ADD1: variants seen among roughly 807,000 people sequenced by gnomAD.
ADD1 encodes alpha-adducin.
ADD1 carries 24 observed loss-of-function variants against 80.5 expected under a neutral mutation model. That is an observed-to-expected ratio of 0.30 (90% CI 0.22 to 0.42). The LOEUF is 0.42. Ranked by LOEUF, ADD1 falls within the 10% of genes least tolerant of loss-of-function variation. The pLI is 1.00. For missense variants in ADD1, 948 were observed against 1,019.0 expected, an observed-to-expected ratio of 0.93 and a Z score of 0.95; for synonymous variants, 373 against 393.8, an observed-to-expected ratio of 0.95 and a Z score of 0.63.
At chr4:2,925,982 G>T in intron 14 of ADD1, 32 bp from the exon 15 acceptor site, 1 of 1,602,288 alleles carries the variant, frequency 6.2e-7, no homozygotes, top group Admixed American at 1.7e-5. Context: ...GGCGTCCACA[G>T]CTCCTACCAT....
At chr4:2,881,816 G>GTC (rs1416404301) in intron 2 of ADD1, 82 bp from the exon 3 acceptor site, 4 of 1,270,280 alleles carry the variant, frequency 3.1e-6, no homozygotes, top group Non-Finnish European at 4.2e-6. Context: ...ACAAAAATTG[G>GTC]TCTATGTGAT....
At chr4:2,888,803 T>C (rs902841970) in intron 4 of ADD1, among the ~76,000 whole-genome samples, 2 of 152,134 alleles carry the variant, frequency 1.3e-5, no homozygotes, top group African/African-American at 4.8e-5. Context: ...GAGCAAATGT[T>C]GTATACTATG....
At chr4:2,898,082 T>C in intron 6 of ADD1, 102 bp from the exon 7 acceptor site, 1 of 1,407,828 alleles carries the variant, frequency 7.1e-7, no homozygotes, top group Non-Finnish European at 9.6e-7. Flanking sequence ...GACAAAAACA[T>C]TTCCCTTCCC....
chr4:2,916,545 T>G (rs1260842501), intron 14 of ADD1, among the ~76,000 whole-genome samples: 1 of 152,134 alleles, frequency 6.6e-6, no homozygotes, highest in Non-Finnish European at 1.5e-5. Flanking sequence ...TTTTTTAAAT[T>G]AATTATACTT....
intron 4 of ADD1, among the ~76,000 whole-genome samples, chr4:2,885,734 C>G (rs1024444399): frequency 6.6e-6 from 1 of 152,128 alleles, no homozygotes; most frequent in South Asian, 2.1e-4. Context: ...CTCAGCCTCC[C>G]GAGTAGCTGG....
At chr4:2,873,229 G>A (rs921814856) in intron 1 of ADD1, among the ~76,000 whole-genome samples, 15 of 152,214 alleles carry the variant, frequency 9.9e-5, no homozygotes, top group Admixed American at 9.2e-4. Flanking sequence ...CTGAGCTCAG[G>A]CATCCACTTG....
rs569876618 is a variant in ADD1 at position 2,874,387 on chromosome 4, A to G, written c.-20-1509A>G. 9.2e-5 allele frequency among the ~76,000 whole-genome samples: 14 copies of G among 152,228 alleles called. No homozygotes were observed. The East Asian group carries it at 2.7e-3, about 29-fold the overall frequency. Reference sequence around the variant, plus strand: ...TTTGAGAGGCCTAGGCGGGCGGATCACCTGAGGTCAGGAGTTCGAGACCAG... The same window carrying G: ...TTTGAGAGGCCTAGGCGGGCGGATCGCCTGAGGTCAGGAGTTCGAGACCAG... On this transcript the variant is annotated intron_variant, in intron 1 of 15. Transcript: ENST00000683351.
chr4:2,885,274 A>G (rs1487053079), intron 4 of ADD1, among the ~76,000 whole-genome samples: 1 of 152,106 alleles, frequency 6.6e-6, no homozygotes, highest in Non-Finnish European at 1.5e-5. Flanking sequence ...TCTCCCTCCC[A>G]GCTTCTGAGT....
At chr4:2,879,367 T>C (rs1290194431) in intron 2 of ADD1, among the ~76,000 whole-genome samples, 1 of 152,164 alleles carries the variant, frequency 6.6e-6, no homozygotes, top group Non-Finnish European at 1.5e-5. Context: ...AAGCTTTAAG[T>C]TTCTGGATGG....
rs1240712205 is a variant in ADD1 at position 2,865,616 on chromosome 4, C to A, written c.-20-10280C>A. Among the ~76,000 whole-genome samples the A allele has an allele frequency of 2.0e-5, 3 of 152,118 alleles. No homozygotes were observed. In the East Asian group the frequency reaches 5.8e-4, roughly 29 times the overall value. On this transcript the variant is annotated intron_variant, in intron 1 of 15. Transcript: ENST00000683351. ...GATTATTAAATTCTGTCAAAACTGC[C>A]TGTTTGTTTTTTGTGGTCAGTATTT...
chr4:2,927,808 G>C (rs1252476274), intron 15 of ADD1, among the ~76,000 whole-genome samples: 1 of 152,148 alleles, frequency 6.6e-6, no homozygotes. Context: ...CATGCCCTTA[G>C]GGTGACAGGG....
At chr4:2,875,842 A>G in intron 1 of ADD1, 54 bp from the exon 2 acceptor site, 1 of 1,387,390 alleles carries the variant, frequency 7.2e-7, no homozygotes, top group Non-Finnish European at 9.7e-7. Flanking sequence ...TCATCATGAA[A>G]CACTGTTAGA....
At chr4:2,913,585 A>G (rs1738439708) in intron 13 of ADD1, among the ~76,000 whole-genome samples, 1 of 152,116 alleles carries the variant, frequency 6.6e-6, no homozygotes, top group Non-Finnish European at 1.5e-5. Context: ...CCAGCAGCCC[A>G]TCTGTCCCTC....
chr4:2,879,616 C>A (rs1271908050), intron 2 of ADD1, among the ~76,000 whole-genome samples: 1 of 152,042 alleles, frequency 6.6e-6, no homozygotes, highest in Non-Finnish European at 1.5e-5. Flanking sequence ...CCATCTGTAT[C>A]TCTTACTCTC....
intron 1 of ADD1, among the ~76,000 whole-genome samples, chr4:2,868,798 TGTATGTTGACACACAGGA>T (rs1434200177): frequency 6.6e-6 from 1 of 152,134 alleles, no homozygotes; most frequent in African/African-American, 2.4e-5. Flanking sequence ...GTGGGAATGG[TGTATGTTGACACACAGGA>T]GTCCAGGTGC....
At position 2,926,063 on chromosome 4, in the gene ADD1, G is replaced by T. The variant is rs147536529; in HGVS notation, c.1998G>T (p.Gln666His). 6.2e-7 allele frequency: 1 copy of T among 1,614,050 alleles called. No individual in the cohort carries two copies. Among genetic ancestry groups the T allele is most frequent in the Non-Finnish European group, 8.5e-7 (1 of 1,180,036 alleles). The change falls in exon 15 of 16, where the codon CAG becomes CAT. Residue 666 changes from glutamine (Q) to histidine (H), a missense_variant. Coordinates refer to ENST00000683351, the MANE Select transcript of ADD1 (RefSeq NM_001354761.2). The surrounding 1 kb of genome is among the most constrained non-coding windows in gnomAD (Gnocchi z 5.0). ...AGAAAGAAAAGAGTCCTCCAGACCA[G>T]CCTGCGGTCCCCCACCCGCCTCCCA... ...REQKEKSPPD[Q>H]PAVPHPPPST...
intron 2 of ADD1, among the ~76,000 whole-genome samples, chr4:2,881,133 A>G (rs1435728189): frequency 7.7e-6 from 1 of 129,062 alleles, no homozygotes; most frequent in Non-Finnish European, 1.5e-5. Flanking sequence ...GCTGGAGTGC[A>G]ATGGCCCAAT....
intron 1 of ADD1, among the ~76,000 whole-genome samples, chr4:2,852,185 T>TC (rs769626222): frequency 0.12 from 5,029 of 43,684 alleles, 148 homozygotes; most frequent in East Asian, 0.26. Context: ...TTTCTTTCTT[T>TC]CTTTCTTTCT....
At chr4:2,846,532 A>G (rs1726222968) in intron 1 of ADD1, among the ~76,000 whole-genome samples, 1 of 152,206 alleles carries the variant, frequency 6.6e-6, no homozygotes, top group Non-Finnish European at 1.5e-5. Flanking sequence ...ATTAAATAGA[A>G]TATTTTTATA....
Sources: allele counts gnomAD v4.1 joint callset (sites outside exome capture counted in the v4.1 genomes callset), GRCh38; gene constraint gnomAD v4.1.1; non-coding constraint Gnocchi (gnomAD v3.1); transcripts MANE v1.5; gene names NCBI Gene and HGNC (gene_info 2026-07-23, HGNC 2026-07-21).